Variants in CCSER2 observed in about 807,000 individuals in gnomAD.
CCSER2 encodes the protein coiled-coil serine rich protein 2, also known as serine-rich coiled-coil domain-containing protein 2.
A neutral mutation model predicts 92.3 loss-of-function variants in CCSER2; 46 were observed. The ratio of observed to expected loss-of-function variants is 0.50; its 90% CI spans 0.39 to 0.64. CCSER2 has a LOEUF of 0.64. Among genes scored for constraint, CCSER2 ranks in the 30% least tolerant of loss-of-function variants. The pLI is 0.00. For synonymous variants in CCSER2, 433 were observed against 431.4 expected (o/e 1.00, Z -0.04); for missense variants, 1,244 against 1,238.9 (o/e 1.00, Z -0.06).
intron 6 of CCSER2, chr10:84,456,080 C>A (rs1217438616): frequency 2.5e-6 from 1 of 405,704 alleles, no homozygotes; most frequent in African/African-American, 2.1e-5. Flanking sequence ...AGGCCAAAGA[C>A]CCGAGCTGCA....
chr10:84,364,503 A>G (rs1195837221), intron 1 of CCSER2, among the ~76,000 whole-genome samples: 1 of 152,184 alleles, frequency 6.6e-6, no homozygotes, highest in Non-Finnish European at 1.5e-5. Flanking sequence ...ACTTTGGACA[A>G]GTATATTAGC....
chr10:84,450,653 A>C (rs1207879642), intron 6 of CCSER2, among the ~76,000 whole-genome samples: 1 of 152,158 alleles, frequency 6.6e-6, no homozygotes, highest in Non-Finnish European at 1.5e-5. Context: ...ATTATCAATA[A>C]ATTTACTGAG....
At chr10:84,400,400 G>T (rs1842056484) in intron 3 of CCSER2, among the ~76,000 whole-genome samples, 1 of 152,060 alleles carries the variant, frequency 6.6e-6, no homozygotes, top group Non-Finnish European at 1.5e-5. Context: ...TGAACTCCTG[G>T]ACTCAAGCAG....
intron 5 of CCSER2, among the ~76,000 whole-genome samples, chr10:84,432,706 C>A (rs1843852343): frequency 6.6e-6 from 1 of 152,114 alleles, no homozygotes; most frequent in South Asian, 2.1e-4. Context: ...TTTTGCAGGA[C>A]AGATTTTCAA....
intron 4 of CCSER2, among the ~76,000 whole-genome samples, chr10:84,423,885 G>A (rs533195467): frequency 1.3e-5 from 2 of 151,116 alleles, no homozygotes; most frequent in African/African-American, 4.9e-5. Context: ...GGTGATTCAT[G>A]CCTGTAAGCC....
At chr10:84,400,171 A>G (rs1196341032) in intron 3 of CCSER2, among the ~76,000 whole-genome samples, 1 of 152,052 alleles carries the variant, frequency 6.6e-6, no homozygotes, top group East Asian at 1.9e-4. Context: ...ATTTTCTCCC[A>G]TTCTGTAGGC....
chr10:84,362,812 T>C (rs1845571930), intron 1 of CCSER2, among the ~76,000 whole-genome samples: 1 of 151,618 alleles, frequency 6.6e-6, no homozygotes, highest in African/African-American at 2.4e-5. Flanking sequence ...ATTTAATTGG[T>C]ATTTTATTTT....
intron 1 of CCSER2, among the ~76,000 whole-genome samples, chr10:84,352,160 T>C (rs1844896529): frequency 6.6e-6 from 1 of 151,944 alleles, no homozygotes; most frequent in South Asian, 2.1e-4. Flanking sequence ...AAAAATTAGC[T>C]GGGTGTGGTG....
chr10:84,357,521 C>T (rs1845246849), intron 1 of CCSER2, among the ~76,000 whole-genome samples: 1 of 143,138 alleles, frequency 7.0e-6, no homozygotes, highest in Non-Finnish European at 1.5e-5. Context: ...GTGATCTCGG[C>T]TCACTGCAAG....
At chr10:84,406,182 A>G (rs928865505) in intron 3 of CCSER2, among the ~76,000 whole-genome samples, 12 of 152,196 alleles carry the variant, frequency 7.9e-5, no homozygotes, top group Admixed American at 3.9e-4. Flanking sequence ...TACATGCTGT[A>G]TGATTCCATT....
At chr10:84,385,616 G>T (rs1053266094) in intron 3 of CCSER2, among the ~76,000 whole-genome samples, 2 of 152,130 alleles carry the variant, frequency 1.3e-5, no homozygotes, top group South Asian at 4.1e-4. Context: ...ATGGATTAAA[G>T]ACTTAAATGT....
At chr10:84,380,524 G>A (rs1034746431) in intron 3 of CCSER2, among the ~76,000 whole-genome samples, 1 of 151,908 alleles carries the variant, frequency 6.6e-6, no homozygotes, top group African/African-American at 2.4e-5. Flanking sequence ...CTCATATATG[G>A]CGTGTGTGTG....
intron 6 of CCSER2, among the ~76,000 whole-genome samples, chr10:84,452,513 A>G (rs1432872604): frequency 6.6e-6 from 1 of 152,230 alleles, no homozygotes; most frequent in Non-Finnish European, 1.5e-5. Flanking sequence ...AATTGCATTC[A>G]GAGTTCAGAA....
At chr10:84,367,112 G>A (rs1005657393) in intron 1 of CCSER2, among the ~76,000 whole-genome samples, 1 of 151,822 alleles carries the variant, frequency 6.6e-6, no homozygotes, top group African/African-American at 2.4e-5. Flanking sequence ...TTCTCTACTT[G>A]TATTTCTGGA....
chr10:84,348,227 G>C (rs1330458825), intron 1 of CCSER2, among the ~76,000 whole-genome samples: 2 of 152,244 alleles, frequency 1.3e-5, no homozygotes, highest in Non-Finnish European at 2.9e-5. Context: ...GAGGCTGGCG[G>C]ATCACTCGCG....
chr10:84,453,865 A>G (rs1845441942), intron 6 of CCSER2, among the ~76,000 whole-genome samples: 2 of 151,998 alleles, frequency 1.3e-5, no homozygotes, highest in Non-Finnish European at 1.5e-5. Context: ...TCCTTCTTTA[A>G]TGGTACCCTG....
chr10:84,460,235 A>G (rs889683199), intron 6 of CCSER2, among the ~76,000 whole-genome samples: 2 of 145,984 alleles, frequency 1.4e-5, no homozygotes, highest in African/African-American at 5.1e-5. Context: ...GACTATGGGC[A>G]TGCGCCACCA....
intron 4 of CCSER2, chr10:84,425,258 G>A: frequency 1.6e-6 from 1 of 621,630 alleles, no homozygotes; most frequent in Non-Finnish European, 2.0e-6. Context: ...TGATTTGTTT[G>A]TGATGAAAAG....
intron 1 of CCSER2, among the ~76,000 whole-genome samples, chr10:84,344,379 T>C (rs1431684985): frequency 6.6e-6 from 1 of 152,178 alleles, no homozygotes; most frequent in African/African-American, 2.4e-5. Context: ...TAGTTTTTGC[T>C]GTTGCTTTAT....
Sources: gnomAD v4.1 joint callset for allele counts (sites outside exome capture counted in the v4.1 genomes callset) on GRCh38, gnomAD v4.1.1 for gene constraint, MANE v1.5 for transcripts, NCBI Gene and HGNC (gene_info 2026-07-23, HGNC 2026-07-21) for gene names.